Variants in PCDHGB2 observed in about 807,000 individuals in gnomAD.
PCDHGB2 encodes protocadherin gamma-B2.
PCDHGB2 carries 55 observed loss-of-function variants against 59.3 expected under a neutral mutation model. The observed-to-expected ratio is 0.93, with a 90% CI of 0.75 to 1.16. The LOEUF (loss-of-function observed/expected upper bound fraction) is 1.16, where lower values mean the gene tolerates loss of function less well. PCDHGB2 is among the 50% of genes most tolerant of loss of function. The pLI is 0.00. For synonymous variants in PCDHGB2, 516 were observed against 512.0 expected, an observed-to-expected ratio of 1.01 and a Z score of -0.11; for missense variants, 1,228 against 1,198.5, an observed-to-expected ratio of 1.02 and a Z score of -0.36.
At chr5:141,464,685 C>A (rs1283627323) in intron 1 of PCDHGB2, among the ~76,000 whole-genome samples, 1 of 152,006 alleles carries the variant, frequency 6.6e-6, no homozygotes, top group Non-Finnish European at 1.5e-5. Flanking sequence ...ATTAAAATTT[C>A]TCTTATTATG....
At chr5:141,366,724 T>C (rs917379074) in intron 1 of PCDHGB2, 1 of 1,613,556 alleles carries the variant, frequency 6.2e-7, no homozygotes, top group African/African-American at 1.3e-5. Flanking sequence ...ATAAGGTAGA[T>C]GCAAACAAAG....
chr5:141,450,733 C>T (rs886761152), intron 1 of PCDHGB2, among the ~76,000 whole-genome samples: 24 of 152,198 alleles, frequency 1.6e-4, no homozygotes, highest in African/African-American at 5.3e-4. Context: ...GTGATCCGCC[C>T]GCCTTGGCCT....
chr5:141,364,593 G>T (rs1404153764), intron 1 of PCDHGB2: 1 of 1,614,096 alleles, frequency 6.2e-7, no homozygotes, highest in Non-Finnish European at 8.5e-7. Flanking sequence ...GTCACCGCGG[G>T]CAGGATAGAC....
At chr5:141,394,288 C>T in intron 1 of PCDHGB2, 1 of 1,613,944 alleles carries the variant, frequency 6.2e-7, no homozygotes, top group Non-Finnish European at 8.5e-7. Flanking sequence ...TACTCTGTGA[C>T]CGAGGACACG....
In PCDHGB2 at chr5:141,382,780, A is replaced by G. The variant is rs1050419701; in HGVS notation, c.2421+20224A>G. On this transcript the variant is annotated intron_variant, in intron 1 of 3. Coordinates refer to ENST00000522605, the MANE Select transcript of PCDHGB2 (RefSeq NM_018923.3). ...CCCTCTTCCAGGCTGCACTAAACTC[A>G]AGCCTCTATCCTGCTGGATTCTGAG... 10 of 836,240 alleles carry G rather than the reference A, an allele frequency of 1.2e-5. No homozygotes were observed. The South Asian group carries it at 2.0e-4, about 17-fold the overall frequency. 51.8% of individuals were successfully genotyped at this position (836,240 alleles called of 1,614,324 possible). A position where few individuals can be genotyped will look rare whatever the true frequency, so the allele number is the denominator to read the frequency against.
At chr5:141,372,366 G>T in intron 1 of PCDHGB2, 2 of 1,613,950 alleles carry the variant, frequency 1.2e-6, no homozygotes, top group East Asian at 4.5e-5. Context: ...TTCAGCCACC[G>T]TCATGCTGCA....
rs745835885 is a variant in PCDHGB2 at position 141,376,254 on chromosome 5, T to G, written c.2421+13698T>G. The G allele has an allele frequency of 2.5e-6, 4 of 1,614,098 alleles. No homozygotes were observed. In the African/African-American group the frequency reaches 5.3e-5, roughly 22 times the overall value. On this transcript the variant is annotated intron_variant, in intron 1 of 3. Transcript: ENST00000522605. ...CTGCAGCGCTGGCACAAGTCACGCC[T>G]GCTGCAGGCTTCGGGAGGTGGCTTA...
In PCDHGB2 at chr5:141,409,653, A is replaced by G. The variant is rs763812886; in HGVS notation, c.2421+47097A>G. 10 of 1,613,542 alleles carry G rather than the reference A, an allele frequency of 6.2e-6. No homozygotes were observed. The East Asian group carries it at 8.9e-5, about 14-fold the overall frequency. ...GCCTCTGACCCGGATTTGGGGCTCAATGGCCACATCTCCTACTCTATAGTG... is the reference window on the plus strand; with the variant it reads ...GCCTCTGACCCGGATTTGGGGCTCAGTGGCCACATCTCCTACTCTATAGTG... On this transcript the variant is annotated intron_variant, in intron 1 of 3. Transcript: ENST00000522605.
intron 1 of PCDHGB2, chr5:141,374,969 G>A (rs200408172): frequency 1.2e-5 from 20 of 1,613,904 alleles, no homozygotes; most frequent in Middle Eastern, 1.6e-4. Flanking sequence ...CTGTTTGAAT[G>A]TTTTGACTGG....
chr5:141,371,434 T>C, intron 1 of PCDHGB2: 1 of 1,614,004 alleles, frequency 6.2e-7, no homozygotes, highest in Non-Finnish European at 8.5e-7. Flanking sequence ...GCCCCGGAGA[T>C]AACCCTGGCT....
In PCDHGB2 at chr5:141,510,992, T is replaced by C. The variant is rs879030278; in HGVS notation, c.2615T>C (p.Met872Thr). The change falls in exon 4 of 4, where the codon ATG (methionine) becomes ACG (threonine). Residue 872 changes from methionine to threonine, a missense_variant. By Grantham distance (81) the Met-to-Thr change is moderately conservative. Around this residue, in one of 3 missense-constraint regions of PCDHGB2, gnomAD observed 433 missense variants for 441.8 expected, o/e 0.98. Coordinates refer to ENST00000522605, the MANE Select transcript of PCDHGB2 (RefSeq NM_018923.3). ...SSTLGGGAGT[M>T]GLSARYGPQF... is the part of the protein sequence containing the mutation. ...ACCCTGGGAGGGGGTGCCGGCACCA[T>C]GGGATTGAGCGCCCGCTACGGACCC... The C allele has an allele frequency of 1.9e-6, 3 of 1,614,164 alleles. No individual in the cohort carries two copies. The highest frequency in any genetic ancestry group is 2.5e-6 in the Non-Finnish European group (3 of 1,180,006).
intron 2 of PCDHGB2, among the ~76,000 whole-genome samples, chr5:141,501,026 G>A (rs1053442173): frequency 7.9e-5 from 12 of 151,608 alleles, no homozygotes; most frequent in Non-Finnish European, 1.5e-4. Flanking sequence ...GCGCCACCAC[G>A]CCCAGCTAAT....
intron 1 of PCDHGB2, chr5:141,390,339 C>T: frequency 6.3e-7 from 1 of 1,591,234 alleles, no homozygotes; most frequent in Non-Finnish European, 8.6e-7. Flanking sequence ...TCCATATTCA[C>T]AAGAAAATAT....
chr5:141,485,949 T>C lies in PCDHGB2; in HGVS notation c.2422-8858T>C. Reference sequence around the variant, plus strand: ...GTGTTGGAGAGCGCACCAGCGGGCATGGTGCTCATCCAGCTCAATGCCTCA... The same window carrying C: ...GTGTTGGAGAGCGCACCAGCGGGCACGGTGCTCATCCAGCTCAATGCCTCA... On this transcript the variant is annotated intron_variant, in intron 1 of 3. Transcript: ENST00000522605. This position sits in a 1 kb window ranked among gnomAD's most constrained non-coding sequence, Gnocchi z 5.7. 2 of 1,614,178 alleles carry C rather than the reference T, an allele frequency of 1.2e-6. No individual in the cohort carries two copies.
In PCDHGB2 at chr5:141,486,913, G is replaced by A. The variant is rs2099636995; in HGVS notation, c.2422-7894G>A. ...CTGGTTCCTTATGTCCCCAAGCACT[G>A]CCTCCATCAGTTGGTGCTGGCCACC... On this transcript the variant is annotated intron_variant, in intron 1 of 3. Transcript: ENST00000522605. The surrounding 1 kb of genome is among the most constrained non-coding windows in gnomAD (Gnocchi z 5.0). The A allele has an allele frequency of 1.9e-6, 3 of 1,614,092 alleles. No individual in the cohort carries two copies. The highest frequency in any genetic ancestry group is 1.3e-5 in the African/African-American group (1 of 74,938).
intron 1 of PCDHGB2, chr5:141,415,929 T>C: frequency 1.6e-6 from 1 of 629,678 alleles, no homozygotes; most frequent in African/African-American, 1.9e-5. Context: ...TGTCAATTTA[T>C]ATTTCCTCCT....
chr5:141,404,804 T>A, intron 1 of PCDHGB2: 1 of 1,613,898 alleles, frequency 6.2e-7, no homozygotes, highest in South Asian at 1.1e-5. Context: ...AGGGCTCTTC[T>A]CGGTGGGGCT....
At chr5:141,370,980 C>G (rs1197203581) in intron 1 of PCDHGB2, 8 of 1,613,868 alleles carry the variant, frequency 5.0e-6, no homozygotes, top group African/African-American at 1.3e-5. Context: ...AGAGCTAGTA[C>G]TGAAAGCACC....
Position 141,371,577 on chromosome 5 carries a change from G to A in PCDHGB2, c.2421+9021G>A, listed in dbSNP as rs202142331. The A allele has an allele frequency of 9.5e-4, 1,537 of 1,613,860 alleles. 3 individuals carry two copies. The highest frequency in any genetic ancestry group is 1.3e-3 in the Middle Eastern group (8 of 6,062). On this transcript the variant is annotated intron_variant, in intron 1 of 3. Transcript: ENST00000522605. The stretch of plus-strand genomic sequence containing the variant: ...AAAAGGAAACTTCCCCTTTAAAATC[G>A]TTCAAGATACCAAAAACACATACAG...
Sources: allele counts gnomAD v4.1 joint callset (sites outside exome capture counted in the v4.1 genomes callset), GRCh38; gene constraint gnomAD v4.1.1; regional missense constraint gnomAD v4.1.1; non-coding constraint Gnocchi (gnomAD v3.1); transcripts MANE v1.5; gene names NCBI Gene and HGNC (gene_info 2026-07-23, HGNC 2026-07-21).